The following ENOX2 variants were observed in gnomAD, a reference collection of about 807,000 sequenced individuals.
ENOX2 encodes APK1 antigen.
ENOX2 carries 36 observed loss-of-function variants against 45.0 expected under a neutral mutation model. The ratio of observed to expected loss-of-function variants is 0.80; its 90% confidence interval spans 0.61 to 1.06. The LOEUF is 1.06. Among genes scored for constraint, ENOX2 ranks in the 50% least tolerant of loss-of-function variants. The pLI, the probability that ENOX2 is intolerant of heterozygous loss-of-function variation, is 0.00. For missense variants in ENOX2, 423 were observed against 462.5 expected (o/e 0.91, Z 0.78); for synonymous variants, 174 against 152.3 (o/e 1.14, Z -1.05).
intron 5 of ENOX2, among the ~76,000 whole-genome samples, chrX:130,683,554 T>C (rs2037366897): frequency 8.9e-6 from 1 of 111,853 alleles, no homozygotes; most frequent in Non-Finnish European, 1.9e-5. Context: ...TGGAGACGGA[T>C]AGCAGATGAT....
intron 11 of ENOX2, among the ~76,000 whole-genome samples, chrX:130,636,904 C>T: frequency 9.0e-6 from 1 of 111,471 alleles, no homozygotes; most frequent in Non-Finnish European, 1.9e-5. Flanking sequence ...AATTGAGGTT[C>T]TTTGTAAAGA....
chrX:130,707,177 G>A lies in ENOX2; in HGVS notation c.-38-3923C>T, dbSNP rs140935075. Among the ~76,000 whole-genome samples, 270 of 112,054 alleles carry A rather than the reference G, an allele frequency of 2.4e-3. 1 individual carries two copies. Among genetic ancestry groups the A allele is most frequent in the African/African-American group, 7.9e-3 (245 of 30,843 alleles). ...ATTCAGAAGGCGAATGCTACTGGTTGTCAAGTGGTCTTTAAAATACCTACC... is the reference window on the plus strand; with the variant it reads ...ATTCAGAAGGCGAATGCTACTGGTTATCAAGTGGTCTTTAAAATACCTACC... On this transcript the variant is annotated intron_variant, in intron 3 of 14. Coordinates refer to ENST00000394363, the MANE Select transcript of ENOX2 (RefSeq NM_006375.4).
intron 3 of ENOX2, among the ~76,000 whole-genome samples, chrX:130,756,200 T>C (rs1000790150): frequency 9.8e-5 from 11 of 112,401 alleles, no homozygotes; most frequent in Non-Finnish European, 2.1e-4. Flanking sequence ...GATGCCCATA[T>C]CAGACAGTTG....
chrX:130,663,002 T>C (rs1340375511), intron 9 of ENOX2, among the ~76,000 whole-genome samples: 3 of 112,088 alleles, frequency 2.7e-5, no homozygotes, highest in Non-Finnish European at 3.8e-5. Context: ...TGTTACAATA[T>C]TGGGCAATAG....
chrX:130,783,914 C>T (rs936123605), intron 2 of ENOX2, among the ~76,000 whole-genome samples: 2 of 112,003 alleles, frequency 1.8e-5, no homozygotes, highest in African/African-American at 6.5e-5. Context: ...TAAGATCCCT[C>T]CTGTTTCTGC....
chrX:130,723,960 C>T (rs907931758), intron 3 of ENOX2, among the ~76,000 whole-genome samples: 1 of 111,506 alleles, frequency 9.0e-6, no homozygotes, highest in Admixed American at 9.5e-5. Flanking sequence ...TCAAATTACC[C>T]GTCCCCCCGC....
At chrX:130,847,407 A>G (rs924763552) in intron 2 of ENOX2, among the ~76,000 whole-genome samples, 1 of 111,948 alleles carries the variant, frequency 8.9e-6, no homozygotes, top group Admixed American at 9.5e-5. Context: ...TACTGCATAG[A>G]GCACCTAGTT....
intron 3 of ENOX2, among the ~76,000 whole-genome samples, chrX:130,761,873 T>C (rs1379308125): frequency 9.0e-6 from 1 of 111,563 alleles, no homozygotes; most frequent in African/African-American, 3.3e-5. Flanking sequence ...AAGATTTGAG[T>C]GGGGACAAAT....
intron 3 of ENOX2, among the ~76,000 whole-genome samples, chrX:130,721,039 G>A (rs1380725686): frequency 9.0e-6 from 1 of 111,647 alleles, no homozygotes; most frequent in Admixed American, 9.5e-5. Flanking sequence ...ATGAACAGGA[G>A]GAAACTGAGG....
intron 3 of ENOX2, among the ~76,000 whole-genome samples, chrX:130,722,293 C>T (rs2038499966): frequency 8.9e-6 from 1 of 112,043 alleles, no homozygotes; most frequent in African/African-American, 3.2e-5. Flanking sequence ...CAGCATTTCT[C>T]AGAGAAGCAA....
intron 3 of ENOX2, among the ~76,000 whole-genome samples, chrX:130,743,981 C>T (rs1030212149): frequency 2.7e-5 from 3 of 111,628 alleles, no homozygotes; most frequent in Admixed American, 9.5e-5. Flanking sequence ...GGTCCAACAT[C>T]GAGTGATAAG....
At chrX:130,859,267 G>T in intron 2 of ENOX2, among the ~76,000 whole-genome samples, 1 of 112,180 alleles carries the variant, frequency 8.9e-6, no homozygotes, top group Non-Finnish European at 1.9e-5. Flanking sequence ...GGGAGGCGGA[G>T]GTTGCAGCAA....
chrX:130,797,013 G>T (rs1163903033), intron 2 of ENOX2, among the ~76,000 whole-genome samples: 1 of 111,928 alleles, frequency 8.9e-6, no homozygotes, highest in Non-Finnish European at 1.9e-5. Flanking sequence ...CTAGAAGATT[G>T]CAAAGTGATG....
chrX:130,807,446 G>C (rs995828169), intron 2 of ENOX2, among the ~76,000 whole-genome samples: 1 of 111,361 alleles, frequency 9.0e-6, no homozygotes, highest in Non-Finnish European at 1.9e-5. Context: ...TTCAGAGTTG[G>C]CAGGGACCTT....
chrX:130,714,999 T>G (rs1157293811), intron 3 of ENOX2, among the ~76,000 whole-genome samples: 1 of 112,269 alleles, frequency 8.9e-6, no homozygotes, highest in Non-Finnish European at 1.9e-5. Context: ...GTATTTGTAC[T>G]AAGTCTAAAA....
intron 2 of ENOX2, among the ~76,000 whole-genome samples, chrX:130,802,300 G>A (rs986017390): frequency 8.9e-6 from 1 of 111,918 alleles, no homozygotes; most frequent in Middle Eastern, 4.2e-3. Context: ...TCTGCCCTTC[G>A]GCATAGAGGT....
At position 130,855,337 on chromosome X, in the gene ENOX2, A is replaced by G. The variant is rs989330756; in HGVS notation, c.-183+46347T>C. Reference sequence around the variant, plus strand: ...TGTAGGTATAAATCTTAGGTACTTAAGTATAAATCTTCGGTATAAATACTT... The same window carrying G: ...TGTAGGTATAAATCTTAGGTACTTAGGTATAAATCTTCGGTATAAATACTT... On this transcript the variant is annotated intron_variant, in intron 2 of 14. Transcript: ENST00000394363. 3.6e-5 allele frequency among the ~76,000 whole-genome samples: 4 copies of G among 112,373 alleles called. No homozygotes were observed. In the Admixed American group the frequency reaches 3.8e-4, roughly 11 times the overall value.
intron 3 of ENOX2, among the ~76,000 whole-genome samples, chrX:130,721,362 G>T (rs763061862): frequency 5.2e-4 from 58 of 112,409 alleles, no homozygotes; most frequent in African/African-American, 1.8e-3. Context: ...TTCTGTTTCA[G>T]AAATTAAGGC....
intron 3 of ENOX2, among the ~76,000 whole-genome samples, chrX:130,704,460 T>A (rs1364032153): frequency 9.0e-6 from 1 of 111,435 alleles, no homozygotes; most frequent in Non-Finnish European, 1.9e-5. Context: ...TCATGAGTCA[T>A]CTGAGCACAA....
Sources: gnomAD v4.1 joint callset for allele counts (sites outside exome capture counted in the v4.1 genomes callset) on GRCh38, gnomAD v4.1.1 for gene constraint, MANE v1.5 for transcripts, NCBI Gene and HGNC (gene_info 2026-07-23, HGNC 2026-07-21) for gene names.